The following TBCE variants were observed in gnomAD, a reference collection of about 807,000 sequenced individuals.
TBCE encodes the protein tubulin-specific chaperone E.
In TBCE, 53 loss-of-function variants were observed where a neutral mutation model predicts 77.0. The ratio of observed to expected loss-of-function variants is 0.69; its 90% CI spans 0.55 to 0.87. The LOEUF (loss-of-function observed/expected upper bound fraction) is 0.87. Among genes scored for constraint, TBCE ranks in the 40% least tolerant of loss-of-function variants. TBCE has a pLI of 0.00. For synonymous variants in TBCE, 235 were observed against 241.3 expected (o/e 0.97, Z 0.24); for missense variants, 624 against 622.4 (o/e 1.00, Z -0.03).
At chr1:235,403,659 G>T (rs1188595155) in intron 3 of TBCE, among the ~76,000 whole-genome samples, 1 of 152,180 alleles carries the variant, frequency 6.6e-6, no homozygotes, top group Non-Finnish European at 1.5e-5. Flanking sequence ...ATCAAGAATT[G>T]CTTCAAGTCC....
intron 3 of TBCE, among the ~76,000 whole-genome samples, chr1:235,410,170 C>G (rs1679701713): frequency 7.0e-6 from 1 of 143,440 alleles, no homozygotes; most frequent in Non-Finnish European, 1.5e-5. Flanking sequence ...TTGCTTCAAC[C>G]AGGGAGGCTG....
intron 2 of TBCE, among the ~76,000 whole-genome samples, chr1:235,382,281 G>T (rs1264609593): frequency 6.6e-6 from 1 of 152,054 alleles, no homozygotes; most frequent in Non-Finnish European, 1.5e-5. Context: ...ACATACGTGT[G>T]CATGTGTCTT....
intron 2 of TBCE, among the ~76,000 whole-genome samples, chr1:235,397,216 T>G (rs1331667580): frequency 4.7e-5 from 7 of 150,094 alleles, no homozygotes; most frequent in African/African-American, 1.7e-4. Context: ...TTTTTTTTTT[T>G]TTTGAGACGG....
intron 2 of TBCE, among the ~76,000 whole-genome samples, chr1:235,397,494 T>G (rs1169964033): frequency 6.6e-6 from 1 of 152,214 alleles, no homozygotes; most frequent in Non-Finnish European, 1.5e-5. Context: ...ATTACAGGCG[T>G]AAGCCACCGC....
At chr1:235,372,334 A>T (rs553577812) in intron 1 of TBCE, among the ~76,000 whole-genome samples, 76 of 152,332 alleles carry the variant, frequency 5.0e-4, no homozygotes, top group African/African-American at 1.8e-3. Flanking sequence ...TTGGGATTAC[A>T]GGCGTGAGCC....
chr1:235,404,421 T>C lies in TBCE; in HGVS notation c.185+2834T>C, dbSNP rs547505188. Reference sequence around the variant, plus strand: ...TAGGCAACACAATGAGATCTCATCATAAAAAAAAAAAAGATAGAAAATGGT... The same window carrying C: ...TAGGCAACACAATGAGATCTCATCACAAAAAAAAAAAAGATAGAAAATGGT... On this transcript the variant is annotated intron_variant, in intron 3 of 16. Coordinates refer to ENST00000642610, the MANE Select transcript of TBCE (RefSeq NM_003193.5). 3.8e-4 allele frequency among the ~76,000 whole-genome samples: 55 copies of C among 142,928 alleles called. 1 individual carries two copies. In the East Asian group the frequency reaches 0.011, roughly 27 times the overall value. 93.8% of individuals were successfully genotyped at this position (142,928 alleles called of 152,430 possible). A position where few individuals can be genotyped will look rare whatever the true frequency, so the allele number is the denominator to read the frequency against.
intron 3 of TBCE, among the ~76,000 whole-genome samples, chr1:235,413,671 A>AG (rs1208371068): frequency 1.3e-5 from 2 of 151,748 alleles, no homozygotes; most frequent in African/African-American, 2.4e-5. Context: ...TCAAAAAAAA[A>AG]AAAGAAAAAA....
chr1:235,383,129 T>TA (rs1677781330), intron 2 of TBCE, among the ~76,000 whole-genome samples: 1 of 145,920 alleles, frequency 6.9e-6, no homozygotes, highest in Non-Finnish European at 1.5e-5. Context: ...TAGTTGTAGA[T>TA]ATGCGGCGTT....
Position 235,448,743 on chromosome 1 carries a change from G to A in TBCE, c.1565G>A (p.Cys522Tyr), listed in dbSNP as rs1165487843. Reference sequence around the variant, plus strand: ...TTTTATTCTGTGGAAAATGGAGATTGTCTATTAGTGCGATGGTGACAACCA... The same window carrying A: ...TTTTATTCTGTGGAAAATGGAGATTATCTATTAGTGCGATGGTGACAACCA... The part of the protein sequence containing the change: ...LQFYSVENGD[C>Y]LLVRW The change falls in exon 17 of 17, where the codon TGT becomes TAT. Residue 522 changes from cysteine (C) to tyrosine (Y), a missense_variant. Transcript: ENST00000642610. 2 of 1,613,380 alleles carry A rather than the reference G, an allele frequency of 1.2e-6. No homozygotes were observed. Among genetic ancestry groups the A allele is most frequent in the Non-Finnish European group, 1.7e-6 (2 of 1,179,434 alleles).
chr1:235,387,831 A>G (rs2102829161), intron 2 of TBCE, among the ~76,000 whole-genome samples: 1 of 152,256 alleles, frequency 6.6e-6, no homozygotes, highest in African/African-American at 2.4e-5. Context: ...GCAAGAAAGA[A>G]TTCAGGGCCA....
At chr1:235,402,891 A>G (rs1349200653) in intron 3 of TBCE, among the ~76,000 whole-genome samples, 4 of 152,170 alleles carry the variant, frequency 2.6e-5, no homozygotes, top group African/African-American at 7.2e-5. Flanking sequence ...TCGGCTTCTC[A>G]AAGTGCTGGG....
intron 2 of TBCE, among the ~76,000 whole-genome samples, chr1:235,394,575 TG>T (rs371722425): frequency 2.3e-4 from 35 of 152,002 alleles, no homozygotes; most frequent in African/African-American, 7.7e-4. Flanking sequence ...GGACTACAGA[TG>T]TGCACCACCA....
In TBCE at chr1:235,380,160, ATTGTGTGTGT is replaced by A; in HGVS notation, c.100+12_100+21del. The A allele has an allele frequency of 2.2e-6, 3 of 1,358,404 alleles. No individual in the cohort carries two copies. The highest frequency in any genetic ancestry group is 3.1e-6 in the Non-Finnish European group (3 of 976,368). The allele number at this position is 1,358,404 out of a possible 1,614,324, so 84.1% of individuals were successfully genotyped here. ...TCCCTCCCGTGGCAGGTAAGCAATT[ATTGTGTGTGT>A]GTGTGTGTGTGTGTGTGTGTGTGTG... On this transcript the variant is annotated intron_variant, in intron 2 of 16. Transcript: ENST00000642610.
chr1:235,441,690 C>T (rs1002997567), intron 13 of TBCE, 124 bp from the exon 14 acceptor site: 23 of 818,478 alleles, frequency 2.8e-5, no homozygotes, highest in Non-Finnish European at 4.1e-5. Context: ...AAAGGCAGCT[C>T]CATGTGTCCT....
intron 5 of TBCE, among the ~76,000 whole-genome samples, chr1:235,425,538 A>G (rs192816080): frequency 6.6e-6 from 1 of 152,156 alleles, no homozygotes; most frequent in Admixed American, 6.6e-5. Flanking sequence ...AAGCAGAGTG[A>G]TTTTTAAAGG....
At chr1:235,389,330 T>C (rs879453300) in intron 2 of TBCE, among the ~76,000 whole-genome samples, 1 of 152,124 alleles carries the variant, frequency 6.6e-6, no homozygotes, top group Non-Finnish European at 1.5e-5. Flanking sequence ...AAGCTTTTTG[T>C]TTGTTTGTTT....
At chr1:235,378,819 C>T (rs998207054) in intron 1 of TBCE, among the ~76,000 whole-genome samples, 3 of 152,118 alleles carry the variant, frequency 2.0e-5, no homozygotes, top group Non-Finnish European at 4.4e-5. Context: ...AGAGATCGTG[C>T]CACTGCACTC....
chr1:235,409,850 G>T (rs942889176), intron 3 of TBCE, among the ~76,000 whole-genome samples: 1 of 140,558 alleles, frequency 7.1e-6, no homozygotes, highest in Non-Finnish European at 1.5e-5. Context: ...CTAACACAGT[G>T]AAACCCCGTC....
At chr1:235,384,854 C>G (rs1290282805) in intron 2 of TBCE, among the ~76,000 whole-genome samples, 1 of 151,254 alleles carries the variant, frequency 6.6e-6, no homozygotes, top group African/African-American at 2.4e-5. Context: ...TTGCCTTCTG[C>G]TAGCTTTTGA....
Sources: gnomAD v4.1 joint callset for allele counts (sites outside exome capture counted in the v4.1 genomes callset) on GRCh38, gnomAD v4.1.1 for gene constraint, MANE v1.5 for transcripts, NCBI Gene and HGNC (gene_info 2026-07-23, HGNC 2026-07-21) for gene names.